R3HCC1L: variants seen among roughly 807,000 people sequenced by gnomAD.
The protein encoded by R3HCC1L is coiled-coil domain-containing protein R3HCC1L.
R3HCC1L carries 51 observed loss-of-function variants against 59.9 expected under a neutral mutation model. That is an observed-to-expected ratio of 0.85 (90% confidence interval 0.68 to 1.07). The LOEUF (loss-of-function observed/expected upper bound fraction) is 1.07, where lower values mean the gene tolerates loss of function less well. Among genes scored for constraint, R3HCC1L ranks in the 50% least tolerant of loss-of-function variants. The probability of loss-of-function intolerance (pLI) is 0.00; values close to 1 mark genes in which losing one functional copy is unlikely to be tolerated. For missense variants in R3HCC1L, 965 were observed against 933.0 expected (o/e 1.03, Z -0.45); for synonymous variants, 322 against 315.2 (o/e 1.02, Z -0.23).
At chr10:98,174,676 T>C in intron 4 of R3HCC1L, 1 of 984,996 alleles carries the variant, frequency 1.0e-6, no homozygotes, top group Non-Finnish European at 1.2e-6. Flanking sequence ...GAGGCCATCC[T>C]GCCCAGAATG....
intron 4 of R3HCC1L, among the ~76,000 whole-genome samples, chr10:98,191,533 T>A (rs975841666): frequency 6.6e-6 from 1 of 152,168 alleles, no homozygotes; most frequent in Non-Finnish European, 1.5e-5. Context: ...GTTTAAGTTC[T>A]TTGTAGATTC....
At position 98,176,792 on chromosome 10, in the gene R3HCC1L, G is replaced by A. The variant is rs145297541; in HGVS notation, c.-15+13395G>A. Among the ~76,000 whole-genome samples the A allele has an allele frequency of 5.5e-4, 83 of 152,048 alleles. 1 individual carries two copies. The East Asian group carries it at 0.015, about 28-fold the overall frequency. ...TTTACTTTATTTTTGCATCTTACGG[G>A]GAGAGCATTTGGTTCTTCATCAAGT... On this transcript the variant is annotated intron_variant, in intron 4 of 9. Coordinates refer to ENST00000298999, the MANE Select transcript of R3HCC1L (RefSeq NM_001351015.2).
Position 98,209,343 on chromosome 10 carries a change from G to A in R3HCC1L, c.1229G>A (p.Arg410Gln), listed in dbSNP as rs146287469. The A allele has an allele frequency of 2.3e-5, 37 of 1,613,944 alleles. No individual in the cohort carries two copies. The highest frequency in any genetic ancestry group is 1.5e-4 in the African/African-American group (11 of 75,002). ...RIADETSINT[R>Q]SFSKFVGMSA... ...GCTGATGAGACCTCTATTAATACAC[G>A]AAGTTTCTCAAAGTTTGTAGGAATG... The change falls in exon 5 of 10, where the codon CGA becomes CAA. Residue 410 changes from arginine (R) to glutamine (Q), a missense_variant. Coordinates refer to ENST00000298999, the MANE Select transcript of R3HCC1L (RefSeq NM_001351015.2).
intron 3 of R3HCC1L, 22 bp downstream of exon 3, chr10:98,162,997 C>G (rs1847594448): frequency 6.5e-6 from 1 of 155,038 alleles, no homozygotes; most frequent in Non-Finnish European, 1.4e-5. Context: ...CACGCCTGGC[C>G]TCTTTTTGTG....
At chr10:98,148,798 G>A (rs897806932) in intron 1 of R3HCC1L, among the ~76,000 whole-genome samples, 6 of 151,982 alleles carry the variant, frequency 3.9e-5, no homozygotes, top group South Asian at 2.1e-4. Context: ...GTATTTTTAC[G>A]TCTATGTTCA....
chr10:98,160,802 T>G (rs1684018318), intron 2 of R3HCC1L, among the ~76,000 whole-genome samples: 1 of 152,174 alleles, frequency 6.6e-6, no homozygotes, highest in Admixed American at 6.5e-5. Flanking sequence ...TAACCTGACC[T>G]CTGTAGGTTA....
intron 5 of R3HCC1L, 70 bp from the exon 6 acceptor site, chr10:98,231,442 T>C: frequency 7.2e-7 from 1 of 1,380,548 alleles, no homozygotes; most frequent in Non-Finnish European, 1.0e-6. Context: ...GGATTGTTTA[T>C]ATATAGGAAT....
At chr10:98,223,077 C>T (rs1225304160) in intron 5 of R3HCC1L, among the ~76,000 whole-genome samples, 1 of 151,934 alleles carries the variant, frequency 6.6e-6, no homozygotes, top group Non-Finnish European at 1.5e-5. Flanking sequence ...AGTCCAGGAC[C>T]AGATGGATTC....
At chr10:98,240,428 A>G (rs1564745966) in intron 9 of R3HCC1L, among the ~76,000 whole-genome samples, 2 of 152,228 alleles carry the variant, frequency 1.3e-5, no homozygotes, top group South Asian at 2.1e-4. Context: ...ACCTCTCAGA[A>G]TAAGCTATCT....
Position 98,153,010 on chromosome 10 carries a change from C to T in R3HCC1L, c.-267-3083C>T, listed in dbSNP as rs1220318077. On this transcript the variant is annotated intron_variant, in intron 1 of 9. Transcript: ENST00000298999. ...AGGGAGGTGGGGGCCCGCCTCCGCC[C>T]GGCCGCCGCCCCGTCCGGGAGGTGG... Among the ~76,000 whole-genome samples the T allele has an allele frequency of 9.4e-5, 14 of 149,088 alleles. No homozygotes were observed. The East Asian group carries it at 2.7e-3, about 28-fold the overall frequency.
chr10:98,236,069 T>C lies in R3HCC1L; in HGVS notation c.2174T>C (p.Leu725Pro), dbSNP rs761646550. 1 of 1,614,022 alleles carries C rather than the reference T, an allele frequency of 6.2e-7. No homozygotes were observed. The highest frequency in any genetic ancestry group is 2.2e-5 in the East Asian group (1 of 44,886). Reference protein sequence around the residue: ...AKERPETSAALARRLVISALG... With the variant: ...AKERPETSAAPARRLVISALG... The stretch of plus-strand genomic sequence containing the variant: ...GAGCGTCCTGAGACTTCAGCAGCCC[T>C]AGCCAGAAGGTTAGTCATCAGTGCC... Residue 725 changes from leucine (L) to proline (P), a missense_variant, in exon 9 of 10, where the codon CTA becomes CCA. Physicochemically the swap from Leu to Pro is moderately conservative, Grantham distance 98 (BLOSUM62 -3). Coordinates refer to ENST00000298999, the MANE Select transcript of R3HCC1L (RefSeq NM_001351015.2).
rs563014187 is a variant in R3HCC1L at position 98,209,698 on chromosome 10, C to A, written c.1584C>A (p.Phe528Leu). 1 of 1,613,894 alleles carries A rather than the reference C, an allele frequency of 6.2e-7. No individual in the cohort carries two copies. Among genetic ancestry groups the A allele is most frequent in the African/African-American group, 1.3e-5 (1 of 75,002 alleles). Residue 528 changes from phenylalanine (F) to leucine (L), a missense_variant, in exon 5 of 10, where the codon TTC (phenylalanine) becomes TTA (leucine). Transcript: ENST00000298999. ...ALHELRTAEE[F>L]KTEEQDDSGS... The stretch of plus-strand genomic sequence containing the variant: ...ACGAACTAAGAACTGCCGAAGAGTT[C>A]AAAACAGAAGAGCAAGATGACTCAG...
chr10:98,178,425 C>T (rs1394597450), intron 4 of R3HCC1L, among the ~76,000 whole-genome samples: 2 of 152,002 alleles, frequency 1.3e-5, no homozygotes, highest in Non-Finnish European at 2.9e-5. Context: ...TGGTCTATAT[C>T]TCTGTTTTGG....
At chr10:98,161,692 A>G (rs1847435804) in intron 2 of R3HCC1L, among the ~76,000 whole-genome samples, 1 of 152,108 alleles carries the variant, frequency 6.6e-6, no homozygotes, top group African/African-American at 2.4e-5. Context: ...ATTTTGCCCC[A>G]GTGTTCTTTG....
chr10:98,154,155 T>C (rs1416024685), intron 1 of R3HCC1L, among the ~76,000 whole-genome samples: 2 of 133,342 alleles, frequency 1.5e-5, no homozygotes, highest in Non-Finnish European at 1.5e-5. Flanking sequence ...TTCAACCATA[T>C]CGTTATACTA....
chr10:98,135,759 A>G (rs951559556), intron 1 of R3HCC1L, among the ~76,000 whole-genome samples: 4 of 152,150 alleles, frequency 2.6e-5, no homozygotes, highest in African/African-American at 7.2e-5. Flanking sequence ...AGCACACACA[A>G]CTATCTCTTG....
At chr10:98,204,683 A>G (rs985101895) in intron 4 of R3HCC1L, among the ~76,000 whole-genome samples, 2 of 152,196 alleles carry the variant, frequency 1.3e-5, no homozygotes, top group South Asian at 4.1e-4. Context: ...ATTGCATACT[A>G]TAATATACTT....
chr10:98,152,996 G>A (rs1246778794), intron 1 of R3HCC1L, among the ~76,000 whole-genome samples: 2 of 150,086 alleles, frequency 1.3e-5, no homozygotes, highest in Non-Finnish European at 1.5e-5. Context: ...GGGAGGTGGG[G>A]GCCCGCCTCC....
chr10:98,227,683 T>A (rs1855835235), intron 5 of R3HCC1L, among the ~76,000 whole-genome samples: 3 of 151,892 alleles, frequency 2.0e-5, no homozygotes, highest in African/African-American at 7.3e-5. Context: ...CTGCACCCAT[T>A]AACTCGTCAT....
Sources: allele counts gnomAD v4.1 joint callset (sites outside exome capture counted in the v4.1 genomes callset), GRCh38; gene constraint gnomAD v4.1.1; transcripts MANE v1.5; gene names NCBI Gene and HGNC (gene_info 2026-07-23, HGNC 2026-07-21).